Variants in GUCA1C observed in about 807,000 individuals in gnomAD.
The protein encoded by GUCA1C is guanylyl cyclase-activating protein 3.
Under a neutral mutation model 16.2 loss-of-function variants are expected in GUCA1C, and 15 were observed. The ratio of observed to expected loss-of-function variants is 0.93; its 90% CI spans 0.62 to 1.43. The LOEUF is 1.43. GUCA1C is among the 40% of genes most tolerant of loss of function. The probability of loss-of-function intolerance (pLI) is 0.00; values close to 1 mark genes in which losing one functional copy is unlikely to be tolerated. For synonymous variants in GUCA1C, 78 were observed against 85.4 expected, an observed-to-expected ratio of 0.91 and a Z score of 0.48; for missense variants, 275 against 244.8, an observed-to-expected ratio of 1.12 and a Z score of -0.82.
At chr3:108,910,849 A>G (rs1946445515) in intron 3 of GUCA1C, among the ~76,000 whole-genome samples, 1 of 151,808 alleles carries the variant, frequency 6.6e-6, no homozygotes, top group South Asian at 2.1e-4. Flanking sequence ...ACGGGGTTTC[A>G]CCATGTTAGC....
intron 1 of GUCA1C, among the ~76,000 whole-genome samples, chr3:108,935,424 C>T (rs1057440709): frequency 6.6e-6 from 1 of 151,916 alleles, no homozygotes; most frequent in Non-Finnish European, 1.5e-5. Flanking sequence ...GGTGCGGTGG[C>T]TCATGCCTGT....
chr3:108,917,686 C>T (rs909668963), intron 2 of GUCA1C, among the ~76,000 whole-genome samples: 5 of 151,874 alleles, frequency 3.3e-5, no homozygotes, highest in African/African-American at 9.7e-5. Flanking sequence ...GACTCTCTCT[C>T]CTGCAATTCT....
intron 1 of GUCA1C, among the ~76,000 whole-genome samples, chr3:108,944,681 T>G (rs1946826127): frequency 6.6e-6 from 1 of 152,200 alleles, no homozygotes; most frequent in South Asian, 2.1e-4. Flanking sequence ...TTGTTTGGCC[T>G]CTTGAACCTG....
chr3:108,934,831 T>TTTTTTTTTTTTTTTA (rs1946707302), intron 1 of GUCA1C, among the ~76,000 whole-genome samples: 1 of 147,742 alleles, frequency 6.8e-6, no homozygotes, highest in African/African-American at 2.5e-5. Flanking sequence ...TTTTTTTTTT[T>TTTTTTTTTTTTTTTA]GAGACTGAGT....
At chr3:108,927,294 G>A (rs187125382) in intron 1 of GUCA1C, among the ~76,000 whole-genome samples, 3 of 152,296 alleles carry the variant, frequency 2.0e-5, no homozygotes, top group African/African-American at 7.2e-5. Flanking sequence ...GGCTGAGGAA[G>A]TTTTACTTTA....
At chr3:108,932,333 AAAAAAAC>A (rs1388277385) in intron 1 of GUCA1C, among the ~76,000 whole-genome samples, 3,369 of 119,194 alleles carry the variant, frequency 0.028, 139 homozygotes, top group African/African-American at 0.1. Context: ...CAAAAAAAAA[AAAAAAAC>A]AAAAAAAAAA....
At chr3:108,924,935 C>T (rs1946608361) in intron 1 of GUCA1C, among the ~76,000 whole-genome samples, 1 of 152,048 alleles carries the variant, frequency 6.6e-6, no homozygotes, top group Non-Finnish European at 1.5e-5. Context: ...TCATAGCAGC[C>T]TTGAATGATA....
At position 108,928,430 on chromosome 3, in the gene GUCA1C, CAGA is replaced by C. The variant is rs1382682037; in HGVS notation, c.205-7848_205-7846del. On this transcript the variant is annotated intron_variant, in intron 1 of 3. Transcript: ENST00000261047. ...TTCTCTGACAATGTCTTTTGCAGAG[CAGA>C]AGTTTTTAATTTTGATAAACTCCAG... Among the ~76,000 whole-genome samples the C allele has an allele frequency of 5.3e-5, 8 of 152,302 alleles. 1 individual carries two copies. In the East Asian group the frequency reaches 1.5e-3, roughly 29 times the overall value.
upstream of GUCA1C, among the ~76,000 whole-genome samples, chr3:108,954,732 C>G (rs754733792): frequency 1.4e-5 from 2 of 144,428 alleles, no homozygotes; most frequent in Non-Finnish European, 3.0e-5. Flanking sequence ...AATTATAGTT[C>G]TCCTTTTTTT....
intron 1 of GUCA1C, among the ~76,000 whole-genome samples, chr3:108,936,071 C>G (rs1293340586): frequency 6.6e-6 from 1 of 152,060 alleles, no homozygotes; most frequent in Non-Finnish European, 1.5e-5. Context: ...TTGAAACCAG[C>G]CTGGGCAACA....
chr3:108,912,783 T>C (rs542886875), intron 3 of GUCA1C, among the ~76,000 whole-genome samples: 39 of 152,140 alleles, frequency 2.6e-4, no homozygotes, highest in Admixed American at 2.6e-4. Context: ...GATTTAATCT[T>C]TTCTTTATTT....
At chr3:108,944,266 C>A (rs928466730) in intron 1 of GUCA1C, among the ~76,000 whole-genome samples, 5 of 152,054 alleles carry the variant, frequency 3.3e-5, no homozygotes, top group Admixed American at 6.6e-5. Context: ...GGTAAACACA[C>A]CTGATAGGAA....
At chr3:108,947,995 T>C (rs750591861) in intron 1 of GUCA1C, among the ~76,000 whole-genome samples, 100 of 152,154 alleles carry the variant, frequency 6.6e-4, no homozygotes, top group Non-Finnish European at 1.2e-4. Context: ...CCTTCTTCCT[T>C]CTCAAACGGG....
chr3:108,948,238 T>C (rs1404093373), intron 1 of GUCA1C, among the ~76,000 whole-genome samples: 6 of 152,064 alleles, frequency 3.9e-5, no homozygotes, highest in Non-Finnish European at 8.8e-5. Context: ...ATGGGGGCGG[T>C]TCTCCCCTTG....
intron 2 of GUCA1C, among the ~76,000 whole-genome samples, chr3:108,919,794 C>T (rs1384625872): frequency 6.6e-6 from 1 of 152,136 alleles, no homozygotes; most frequent in Non-Finnish European, 1.5e-5. Flanking sequence ...TTTGAGTCTG[C>T]CTTACAAATT....
chr3:108,945,649 T>A (rs987798291), intron 1 of GUCA1C, among the ~76,000 whole-genome samples: 1 of 152,190 alleles, frequency 6.6e-6, no homozygotes, highest in African/African-American at 2.4e-5. Context: ...GTGCTATCTT[T>A]AAATTTTTAA....
intron 1 of GUCA1C, among the ~76,000 whole-genome samples, chr3:108,951,271 A>G (rs911476722): frequency 6.6e-6 from 1 of 152,172 alleles, no homozygotes; most frequent in Non-Finnish European, 1.5e-5. Flanking sequence ...ATGCTAAATG[A>G]GTAGATTTTA....
chr3:108,935,270 T>C (rs1026094776), intron 1 of GUCA1C, among the ~76,000 whole-genome samples: 1 of 151,692 alleles, frequency 6.6e-6, no homozygotes, highest in Non-Finnish European at 1.5e-5. Flanking sequence ...GATGATGGGA[T>C]CAGTAGTATT....
intron 3 of GUCA1C, among the ~76,000 whole-genome samples, chr3:108,910,793 G>A (rs1292847813): frequency 6.6e-6 from 1 of 151,548 alleles, no homozygotes; most frequent in African/African-American, 2.4e-5. Flanking sequence ...GGGACTACAG[G>A]CGCCCACCAC....
Sources: gnomAD v4.1 joint callset for allele counts (sites outside exome capture counted in the v4.1 genomes callset) on GRCh38, gnomAD v4.1.1 for gene constraint, MANE v1.5 for transcripts, NCBI Gene and HGNC (gene_info 2026-07-23, HGNC 2026-07-21) for gene names.